MCM3AP: variants seen among roughly 807,000 people sequenced by gnomAD.
MCM3AP encodes the protein minichromosome maintenance complex component 3 associated protein.
Under a neutral mutation model 184.1 loss-of-function variants are expected in MCM3AP, and 126 were observed. That is an observed-to-expected ratio of 0.68 (90% CI 0.59 to 0.79). MCM3AP has a LOEUF of 0.79. Among genes scored for constraint, MCM3AP ranks in the 30% least tolerant of loss-of-function variants. MCM3AP has a pLI of 0.00. For missense variants in MCM3AP, 2,496 were observed against 2,479.2 expected (o/e 1.01, Z -0.14); for synonymous variants, 1,002 against 979.3 (o/e 1.02, Z -0.43).
Position 46,275,288 on chromosome 21 carries a change from A to T in MCM3AP, c.1896T>A (p.Thr632=). 1 of 1,614,122 alleles carries T rather than the reference A, an allele frequency of 6.2e-7. No homozygotes were observed. Among genetic ancestry groups the T allele is most frequent in the Non-Finnish European group, 8.5e-7 (1 of 1,180,004 alleles). ...VKRTDLDKAR[T]FVGTCLDMCP... is the part of the protein sequence containing the mutation. ...ACATATCCAGGCAGGTGCCAACAAAAGTCCTCGCTTTGTCCAGATCGGTTC... is the reference window on the plus strand; with the variant it reads ...ACATATCCAGGCAGGTGCCAACAAATGTCCTCGCTTTGTCCAGATCGGTTC... Residue 632 remains threonine, a synonymous_variant, in exon 6 of 28, where the codon ACT becomes ACA. Coordinates refer to ENST00000291688, the MANE Select transcript of MCM3AP (RefSeq NM_003906.5).
rs1414859137 is a variant in MCM3AP, at chr21:46,285,179, A to T, written c.108T>A (p.Pro36=). The change falls in exon 1 of 28, where the codon CCT becomes CCA. Residue 36 remains proline, a synonymous_variant. Transcript: ENST00000291688. Reference sequence around the variant, plus strand: ...AGGTACTGTTTTGTCCAAAAAGAGAAGGTTGACCAAATCGAAATGGCGGCT... The same window carrying T: ...AGGTACTGTTTTGTCCAAAAAGAGATGGTTGACCAAATCGAAATGGCGGCT... ...PSKPPFRFGQ[P]SLFGQNSTLS... 2.5e-6 allele frequency: 4 copies of T among 1,612,902 alleles called. No homozygotes were observed. The Admixed American group carries it at 6.7e-5, about 27-fold the overall frequency.
intron 9 of MCM3AP, 114 bp from the exon 10 acceptor site, chr21:46,267,256 T>C: frequency 1.0e-6 from 1 of 1,002,098 alleles, no homozygotes; most frequent in Non-Finnish European, 1.5e-6. Context: ...CCTCCTGGGC[T>C]GAGTCCACCA....
intron 24 of MCM3AP, 26 bp downstream of exon 24, chr21:46,243,439 A>G: frequency 6.3e-7 from 1 of 1,577,254 alleles, no homozygotes; most frequent in Middle Eastern, 1.7e-4. Flanking sequence ...TGAGGAGCTG[A>G]TCCCATTGCA....
Position 46,275,171 on chromosome 21 carries a change from G to A in MCM3AP, c.1998+15C>T. On this transcript the variant is annotated intron_variant, in intron 6 of 27. Coordinates refer to ENST00000291688, the MANE Select transcript of MCM3AP (RefSeq NM_003906.5). ...GTCCCCTGCCCACACTCCACGGGGA[G>A]ATGCAGGGCTCTACCTGGTCAGTCC... 6.2e-7 allele frequency: 1 copy of A among 1,607,490 alleles called. No homozygotes were observed. The highest frequency in any genetic ancestry group is 8.5e-7 in the Non-Finnish European group (1 of 1,177,878).
intron 25 of MCM3AP, chr21:46,241,611 T>C (rs1272526923): frequency 1.3e-5 from 2 of 152,980 alleles, no homozygotes; most frequent in Non-Finnish European, 2.9e-5. Context: ...AGCTTTACTG[T>C]ATGTCTTGGT....
At chr21:46,273,704 T>C in intron 6 of MCM3AP, 119 bp from the exon 7 acceptor site, 1 of 689,910 alleles carries the variant, frequency 1.4e-6, no homozygotes, top group Non-Finnish European at 2.4e-6. Flanking sequence ...TATTTGAGAA[T>C]ATATTTTTTC....
At chr21:46,280,882 T>C (rs990329954) in intron 2 of MCM3AP, among the ~76,000 whole-genome samples, 3 of 152,210 alleles carry the variant, frequency 2.0e-5, no homozygotes, top group African/African-American at 7.2e-5. Flanking sequence ...CTCAGCTTAC[T>C]GCAATCTCCA....
rs747491367 is a variant in MCM3AP, at chr21:46,280,148, A to G, written c.1523-11T>C. 2 of 1,613,722 alleles carry G rather than the reference A, an allele frequency of 1.2e-6. No homozygotes were observed. The highest frequency in any genetic ancestry group is 2.2e-5 in the South Asian group (2 of 91,038). ...GTTTCTTATTGGGGCCTGTGGACAT[A>G]GGAGGCAGAAAAGAGTTTATGCAAT... is the stretch of plus-strand genomic sequence containing the variant. On this transcript the variant is annotated splice_polypyrimidine_tract_variant and intron_variant, in intron 3 of 27. Coordinates refer to ENST00000291688, the MANE Select transcript of MCM3AP (RefSeq NM_003906.5).
In MCM3AP at chr21:46,236,864, G is replaced by A. The variant is rs372502041; in HGVS notation, c.5749C>T (p.Pro1917Ser). The change falls in exon 27 of 28, where the codon CCT (proline) becomes TCT (serine). Residue 1917 changes from proline (P) to serine (S), a missense_variant. Physicochemically the swap from Pro to Ser is moderately conservative, Grantham distance 74. Around this residue, in one of 5 missense-constraint regions of MCM3AP, gnomAD observed 1,323 missense variants for 1,273.4 expected, o/e 1.04. Transcript: ENST00000291688. ...TLVSLSHTIEPVMKTSVTTSP... is the reference protein window; with the variant it reads ...TLVSLSHTIESVMKTSVTTSP... ...GTAGTTACAGATGTTTTCATCACAG[G>A]TTCAATAGTGTGAGAAAGAGACACT... is the stretch of plus-strand genomic sequence containing the variant. 23 of 1,562,870 alleles carry A rather than the reference G, an allele frequency of 1.5e-5. No individual in the cohort carries two copies. The highest frequency in any genetic ancestry group is 1.3e-4 in the African/African-American group (9 of 71,770).
intron 15 of MCM3AP, chr21:46,259,332 T>C (rs1261738967): frequency 1.9e-5 from 6 of 307,950 alleles, no homozygotes; most frequent in Non-Finnish European, 3.6e-5. Flanking sequence ...GGCGGGCGCC[T>C]GTAGTCCCAG....
intron 24 of MCM3AP, 181 bp from the exon 25 acceptor site, chr21:46,243,112 G>A: frequency 1.6e-6 from 1 of 624,856 alleles, no homozygotes; most frequent in South Asian, 2.1e-5. Flanking sequence ...ACACAATTAT[G>A]TGACTTCCAC....
chr21:46,236,033 C>T (rs2080518418), intron 27 of MCM3AP, among the ~76,000 whole-genome samples: 1 of 152,202 alleles, frequency 6.6e-6, no homozygotes, highest in South Asian at 2.1e-4. Context: ...GATATTTATT[C>T]TGTTTCGACT....
In MCM3AP at chr21:46,243,657, T is replaced by C; in HGVS notation, c.5104A>G (p.Thr1702Ala). The C allele has an allele frequency of 6.2e-7, 1 of 1,614,210 alleles. No individual in the cohort carries two copies. The highest frequency in any genetic ancestry group is 1.3e-5 in the African/African-American group (1 of 75,068). Residue 1702 changes from threonine to alanine, a missense_variant, in exon 24 of 28, where the codon ACA (threonine) becomes GCA (alanine). Thr to Ala is a moderately conservative substitution (Grantham distance 58, BLOSUM62 0). Coordinates refer to ENST00000291688, the MANE Select transcript of MCM3AP (RefSeq NM_003906.5). Reference sequence around the variant, plus strand: ...ACCTGGGACTGGAGGACAGGCTGTGTCTGGCGTGAGCTGGGGATCTGGGAG... The same window carrying C: ...ACCTGGGACTGGAGGACAGGCTGTGCCTGGCGTGAGCTGGGGATCTGGGAG... ...YASQIPSSRQ[T>A]QPVLQSQVEN...
At chr21:46,237,652 C>A (rs1217778958) in intron 26 of MCM3AP, among the ~76,000 whole-genome samples, 2 of 117,122 alleles carry the variant, frequency 1.7e-5, no homozygotes, top group Non-Finnish European at 3.6e-5. Flanking sequence ...ACACCTCAGC[C>A]TCCCAAAGTG....
chr21:46,271,286 CAAAGTG>C (rs1361166795), intron 8 of MCM3AP, among the ~76,000 whole-genome samples: 1 of 151,042 alleles, frequency 6.6e-6, no homozygotes, highest in Non-Finnish European at 1.5e-5. Context: ...CTCGGCCTCC[CAAAGTG>C]CTGTGATAAC....
chr21:46,284,046 G>A (rs771072034), intron 1 of MCM3AP, 22 bp downstream of exon 1: 13 of 1,604,016 alleles, frequency 8.1e-6, no homozygotes, highest in African/African-American at 1.3e-5. Context: ...TTTACTCTAT[G>A]TGCTACATTT....
At chr21:46,249,600 T>G in intron 20 of MCM3AP, 1 of 453,668 alleles carries the variant, frequency 2.2e-6, no homozygotes, top group Non-Finnish European at 4.4e-6. Flanking sequence ...AGGTATTTTG[T>G]TAATAAAATC....
rs765910780 is a variant in MCM3AP at position 46,254,489 on chromosome 21, C to T, written c.4039G>A (p.Val1347Met). 8.0e-5 allele frequency: 129 copies of T among 1,614,024 alleles called. No individual in the cohort carries two copies. Among genetic ancestry groups the T allele is most frequent in the Non-Finnish European group, 9.8e-5 (116 of 1,180,044 alleles). ...TGCCTCCCAGGGAGGTGCTCAGCCA[C>T]GAGGGATGGCAGGTCCAGAGACGCC... is the stretch of plus-strand genomic sequence containing the variant. ...AWASLDLPSL[V>M]AEHLPGRQEH... The change falls in exon 19 of 28, where the codon GTG (valine) becomes ATG (methionine). Residue 1347 changes from valine (V) to methionine (M), a missense_variant. Transcript: ENST00000291688.
At position 46,235,188 on chromosome 21, in the gene MCM3AP, T is replaced by C. The variant is rs1464258502; in HGVS notation, c.*80A>G. The C allele has an allele frequency of 7.1e-7, 1 of 1,403,168 alleles. No individual in the cohort carries two copies. The highest frequency in any genetic ancestry group is 1.8e-5 in the Admixed American group (1 of 54,160). The allele number at this position is 1,403,168 out of a possible 1,614,324, so 86.9% of individuals were successfully genotyped here. A position where few individuals can be genotyped will look rare whatever the true frequency, so the allele number is the denominator to read the frequency against. Reference sequence around the variant, plus strand: ...AATTAATCACATTTCCAACAGTGCATCAAGCATCTGAGAATAACATTATTT... The same window carrying C: ...AATTAATCACATTTCCAACAGTGCACCAAGCATCTGAGAATAACATTATTT... On this transcript the variant is annotated 3_prime_UTR_variant, in exon 28 of 28. Transcript: ENST00000291688.
Sources: gnomAD v4.1 joint callset for allele counts (sites outside exome capture counted in the v4.1 genomes callset) on GRCh38, gnomAD v4.1.1 for gene constraint, gnomAD v4.1.1 regional missense constraint, MANE v1.5 for transcripts, NCBI Gene and HGNC (gene_info 2026-07-23, HGNC 2026-07-21) for gene names.